Variants in FGF1 observed in about 807,000 individuals in gnomAD.
FGF1 encodes the protein fibroblast growth factor 1.
In FGF1, 9 loss-of-function variants were observed where a neutral mutation model predicts 13.4. The ratio of observed to expected loss-of-function variants is 0.67; its 90% CI spans 0.40 to 1.17. FGF1 has a LOEUF of 1.17. FGF1 is among the 50% of genes most tolerant of loss of function. The probability of loss-of-function intolerance (pLI) is 0.01; values close to 1 mark genes in which losing one functional copy is unlikely to be tolerated. For synonymous variants in FGF1, 93 were observed against 79.0 expected (o/e 1.18, Z -0.94); for missense variants, 156 against 192.7 (o/e 0.81, Z 1.13).
intron 1 of FGF1, among the ~76,000 whole-genome samples, chr5:142,634,028 C>CAAA (rs199629335): frequency 8.3e-5 from 12 of 144,448 alleles, no homozygotes; most frequent in African/African-American, 2.6e-4. Context: ...ACTAAAAATA[C>CAAA]CAAAAAAAAA....
chr5:142,619,035 C>T lies in FGF1; in HGVS notation c.-34-4874G>A, dbSNP rs190771606. Among the ~76,000 whole-genome samples the T allele has an allele frequency of 2.5e-3, 361 of 146,382 alleles. 9 individuals carry two copies. The East Asian group carries it at 0.042, about 17-fold the overall frequency. On this transcript the variant is annotated intron_variant, in intron 1 of 3. Transcript: ENST00000337706. ...CTGCAAGCTCCGCCTCCCAGGTTCACGCCATTCTCCTGCCTCAGCCTCCTG... is the reference window on the plus strand; with the variant it reads ...CTGCAAGCTCCGCCTCCCAGGTTCATGCCATTCTCCTGCCTCAGCCTCCTG...
At chr5:142,602,432 C>T (rs1756773513) in intron 2 of FGF1, among the ~76,000 whole-genome samples, 1 of 152,138 alleles carries the variant, frequency 6.6e-6, no homozygotes, top group Admixed American at 6.5e-5. Flanking sequence ...GCCTCAGCCT[C>T]CCAAAGTGCT....
chr5:142,646,318 G>A (rs1005273950), intron 1 of FGF1, among the ~76,000 whole-genome samples: 27 of 141,306 alleles, frequency 1.9e-4, no homozygotes, highest in Admixed American at 4.6e-4. Flanking sequence ...CTCAGCCTCC[G>A]AAGTAGCTGG....
intron 1 of FGF1, among the ~76,000 whole-genome samples, chr5:142,667,601 A>AAAAAAG (rs1282283591): frequency 1.3e-5 from 2 of 151,822 alleles, no homozygotes; most frequent in East Asian, 3.9e-4. Flanking sequence ...AAAAAAAAAA[A>AAAAAAG]AAAGAAAGAA....
chr5:142,674,964 C>T (rs1772235792), intron 1 of FGF1, among the ~76,000 whole-genome samples: 1 of 152,114 alleles, frequency 6.6e-6, no homozygotes, highest in Non-Finnish European at 1.5e-5. Context: ...GCGTGGGAGC[C>T]GAACCTCCCA....
At chr5:142,651,060 G>A (rs1252676121) in intron 1 of FGF1, among the ~76,000 whole-genome samples, 2 of 152,118 alleles carry the variant, frequency 1.3e-5, no homozygotes, top group Non-Finnish European at 2.9e-5. Flanking sequence ...CTCCCTATTC[G>A]TGCTTTTGCT....
intron 2 of FGF1, among the ~76,000 whole-genome samples, chr5:142,606,216 C>G (rs13169072): frequency 0.25 from 18,387 of 73,446 alleles, 1,764 homozygotes; most frequent in African/African-American, 0.44. Flanking sequence ...TTCTTTCTCT[C>G]TCTGTGTGTG....
chr5:142,675,567 G>A (rs1772392536), intron 1 of FGF1, among the ~76,000 whole-genome samples: 1 of 152,200 alleles, frequency 6.6e-6, no homozygotes, highest in South Asian at 2.1e-4. Context: ...GAATTAGCAA[G>A]AATCAAGAGA....
At chr5:142,678,945 A>T (rs537357729) in intron 1 of FGF1, among the ~76,000 whole-genome samples, 1 of 152,230 alleles carries the variant, frequency 6.6e-6, no homozygotes, top group Admixed American at 6.5e-5. Context: ...AGTGGCCTGG[A>T]ACTTCACTCC....
intron 2 of FGF1, among the ~76,000 whole-genome samples, chr5:142,611,072 T>C (rs965878556): frequency 6.6e-6 from 1 of 152,238 alleles, no homozygotes; most frequent in African/African-American, 2.4e-5. Flanking sequence ...TGTGACTCTG[T>C]CACTTCAGTC....
intron 1 of FGF1, among the ~76,000 whole-genome samples, chr5:142,647,759 T>C (rs1766428109): frequency 6.6e-6 from 1 of 152,136 alleles, no homozygotes; most frequent in Non-Finnish European, 1.5e-5. Flanking sequence ...ATATTCCACA[T>C]GTGGCATCAT....
Position 142,595,156 on chromosome 5 carries a change from G to A in FGF1, c.*134C>T. The A allele has an allele frequency of 2.9e-6, 2 of 685,998 alleles. No individual in the cohort carries two copies. The highest frequency in any genetic ancestry group is 3.8e-5 in the South Asian group (2 of 52,388). The allele number at this position is 685,998 out of a possible 1,614,324, so 42.5% of individuals were successfully genotyped here. A position where few individuals can be genotyped will look rare whatever the true frequency, so the allele number is the denominator to read the frequency against. On this transcript the variant is annotated 3_prime_UTR_variant, in exon 4 of 4. Coordinates refer to ENST00000337706, the MANE Select transcript of FGF1 (RefSeq NM_000800.5). ...AAAGAAGTGAACTGGGCATTTAGAA[G>A]CAAGTTGCTTACAAATTCAGGCTCT...
At chr5:142,631,364 C>A (rs1763345931) in intron 1 of FGF1, among the ~76,000 whole-genome samples, 2 of 152,224 alleles carry the variant, frequency 1.3e-5, no homozygotes, top group South Asian at 4.1e-4. Flanking sequence ...TTGAAAAACA[C>A]TTATAAAAAT....
intron 1 of FGF1, among the ~76,000 whole-genome samples, chr5:142,667,449 G>A (rs1361622492): frequency 4.0e-5 from 6 of 151,762 alleles, no homozygotes; most frequent in East Asian, 3.9e-4. Context: ...AGCTGGGCGC[G>A]GTGGCGGGCG....
At chr5:142,631,381 G>T (rs1195048572) in intron 1 of FGF1, among the ~76,000 whole-genome samples, 2 of 152,128 alleles carry the variant, frequency 1.3e-5, no homozygotes, top group Non-Finnish European at 2.9e-5. Context: ...AAATAGACCG[G>T]ACTTGACCTT....
chr5:142,595,526 T>TA (rs1248134939), intron 3 of FGF1, 42 bp from the exon 4 acceptor site: 37 of 1,539,518 alleles, frequency 2.4e-5, no homozygotes, highest in Non-Finnish European at 2.8e-5. Flanking sequence ...AATCAGTGAG[T>TA]AGTTTCACAT....
intron 1 of FGF1, among the ~76,000 whole-genome samples, chr5:142,647,311 T>C (rs879364595): frequency 2.6e-5 from 4 of 152,242 alleles, no homozygotes; most frequent in African/African-American, 4.8e-5. Flanking sequence ...TTCTCCCATA[T>C]GTTTACTTTC....
At chr5:142,688,268 T>A (rs922180380), upstream of FGF1, among the ~76,000 whole-genome samples, 5 of 152,252 alleles carry the variant, frequency 3.3e-5, no homozygotes, top group African/African-American at 4.8e-5. Flanking sequence ...GGAAATTTTT[T>A]AAAATTTCAT....
intron 1 of FGF1, among the ~76,000 whole-genome samples, chr5:142,660,081 A>T (rs1768932182): frequency 1.3e-5 from 2 of 152,212 alleles, no homozygotes; most frequent in South Asian, 4.1e-4. Context: ...GTTTTCTCAC[A>T]CAACATGACT....
Sources: gnomAD v4.1 joint callset for allele counts (sites outside exome capture counted in the v4.1 genomes callset) on GRCh38, gnomAD v4.1.1 for gene constraint, MANE v1.5 for transcripts, NCBI Gene and HGNC (gene_info 2026-07-23, HGNC 2026-07-21) for gene names.